Variants in HIRA observed in about 807,000 individuals in gnomAD.
The protein encoded by HIRA is protein HIRA.
In HIRA, 13 loss-of-function variants were observed where a neutral mutation model predicts 126.6. The observed-to-expected ratio is 0.10, with a 90% CI of 0.07 to 0.16. The LOEUF (loss-of-function observed/expected upper bound fraction) is 0.16. HIRA is among the 10% of genes least tolerant of loss of function. The pLI, the probability that HIRA is intolerant of heterozygous loss-of-function variation, is 1.00. For synonymous variants in HIRA, 511 were observed against 520.0 expected (o/e 0.98, Z 0.24); for missense variants, 834 against 1,314.4 (o/e 0.63, Z 5.65).
chr22:19,399,354 T>G (rs1601845185), intron 5 of HIRA, among the ~76,000 whole-genome samples: 1 of 105,832 alleles, frequency 9.4e-6, no homozygotes, highest in South Asian at 3.4e-4. Flanking sequence ...GCTTAACAGG[T>G]TTTTTTTTTT....
intron 5 of HIRA, among the ~76,000 whole-genome samples, chr22:19,400,309 G>C (rs1234473247): frequency 6.6e-6 from 1 of 152,156 alleles, no homozygotes; most frequent in East Asian, 1.9e-4. Flanking sequence ...GGTTTGGTGT[G>C]TGCTGTATTT....
At chr22:19,343,467 G>A (rs2088653185) in intron 24 of HIRA, among the ~76,000 whole-genome samples, 1 of 152,190 alleles carries the variant, frequency 6.6e-6, no homozygotes, top group Non-Finnish European at 1.5e-5. Flanking sequence ...GGAGGCTGAG[G>A]TGGGAGGCCC....
At chr22:19,418,817 T>C (rs961220005) in intron 1 of HIRA, among the ~76,000 whole-genome samples, 9 of 152,110 alleles carry the variant, frequency 5.9e-5, no homozygotes, top group Non-Finnish European at 1.2e-4. Context: ...ATGTCAACTA[T>C]AGTTTTGCAA....
At chr22:19,371,576 G>A (rs990325849) in intron 15 of HIRA, among the ~76,000 whole-genome samples, 2 of 152,048 alleles carry the variant, frequency 1.3e-5, no homozygotes, top group African/African-American at 4.8e-5. Flanking sequence ...TCTAATGCCA[G>A]AACATTTTCA....
At chr22:19,370,847 CTTA>C (rs1296934323) in intron 15 of HIRA, among the ~76,000 whole-genome samples, 1 of 152,152 alleles carries the variant, frequency 6.6e-6, no homozygotes, top group African/African-American at 2.4e-5. Context: ...ATGGTGGCCC[CTTA>C]TTATACAGAT....
At position 19,364,415 on chromosome 22, in the gene HIRA, A is replaced by G. The variant is rs112010368; in HGVS notation, c.1776-2484T>C. ...TTCGCAGAGACTATGTTTTTTTTAC[A>G]AGTTGAAGGTTTGTGGCAACCCTGC... On this transcript the variant is annotated intron_variant, in intron 15 of 24. Coordinates refer to ENST00000263208, the MANE Select transcript of HIRA (RefSeq NM_003325.4). Among the ~76,000 whole-genome samples, 141 of 152,304 alleles carry G rather than the reference A, an allele frequency of 9.3e-4. 1 individual carries two copies. Among genetic ancestry groups the G allele is most frequent in the African/African-American group, 3.2e-3 (132 of 41,568 alleles).
At position 19,351,214 on chromosome 22, in the gene HIRA, CCT is replaced by C. The variant is rs1419696728; in HGVS notation, c.2937+142_2937+143del. On this transcript the variant is annotated intron_variant, in intron 24 of 24. Coordinates refer to ENST00000263208, the MANE Select transcript of HIRA (RefSeq NM_003325.4). This position sits in a 1 kb window ranked among gnomAD's most constrained non-coding sequence, Gnocchi z 4.8. Reference sequence around the variant, plus strand: ...TTGTGGAGGGCCGTCGGCATGTCACCCTCTCACTGATGCTGGGACCTGAGGCT... The same window carrying C: ...TTGTGGAGGGCCGTCGGCATGTCACCCTCACTGATGCTGGGACCTGAGGCT... The C allele has an allele frequency of 1.1e-5, 16 of 1,397,970 alleles. No homozygotes were observed. Among genetic ancestry groups the C allele is most frequent in the African/African-American group, 1.5e-5 (1 of 68,344 alleles). 86.6% of individuals were successfully genotyped at this position (1,397,970 alleles called of 1,614,324 possible).
intron 6 of HIRA, 42 bp downstream of exon 6, chr22:19,397,950 G>T: frequency 6.9e-7 from 1 of 1,458,558 alleles, no homozygotes; most frequent in African/African-American, 1.4e-5. Context: ...AAACTGACAG[G>T]CAGTACTGCT....
In HIRA at chr22:19,332,461, T is replaced by G. The variant is rs1038220833; in HGVS notation, c.2938-905A>C. ...TGCCATAGTCAGAACAGAGATGGTA[T>G]GGATTTGCAAAGGCTGAAATGTTTA... On this transcript the variant is annotated intron_variant, in intron 24 of 24. Coordinates refer to ENST00000263208, the MANE Select transcript of HIRA (RefSeq NM_003325.4). Among the ~76,000 whole-genome samples, 6 of 152,190 alleles carry G rather than the reference T, an allele frequency of 3.9e-5. No homozygotes were observed. The South Asian group carries it at 1.2e-3, about 32-fold the overall frequency.
chr22:19,399,129 C>T, intron 5 of HIRA: 1 of 985,404 alleles, frequency 1.0e-6, no homozygotes, highest in Non-Finnish European at 1.2e-6. Flanking sequence ...CCTTGCCTAT[C>T]CTGCCATCAG....
In HIRA at chr22:19,359,433, C is replaced by T. The variant is rs1274710484; in HGVS notation, c.2137G>A (p.Val713Met). ...YIEVENEVTV[V>M]GGVKLSRLKC... is the part of the protein sequence containing the mutation. ...AGGCGGCTCAGCTTCACGCCCCCCA[C>T]CACTGTCACTTCATTCTCCACCTCA... The change falls in exon 18 of 25, where the codon GTG becomes ATG. Residue 713 changes from valine (V) to methionine (M), a missense_variant. Coordinates refer to ENST00000263208, the MANE Select transcript of HIRA (RefSeq NM_003325.4). 1.9e-6 allele frequency: 3 copies of T among 1,610,010 alleles called. No individual in the cohort carries two copies. Among genetic ancestry groups the T allele is most frequent in the Admixed American group, 1.7e-5 (1 of 59,198 alleles).
intron 14 of HIRA, 22 bp from the exon 15 acceptor site, chr22:19,375,814 G>C: frequency 1.9e-6 from 3 of 1,612,944 alleles, no homozygotes; most frequent in South Asian, 1.1e-5. Context: ...AAGAGGGGAG[G>C]CATGTCAAGC....
chr22:19,389,969 C>T (rs568397756), intron 9 of HIRA, among the ~76,000 whole-genome samples: 1 of 150,464 alleles, frequency 6.6e-6, no homozygotes, highest in Admixed American at 6.7e-5. Context: ...ACTTGCTCTG[C>T]TTATAGGGAC....
At chr22:19,333,121 T>C (rs2146503198) in intron 24 of HIRA, among the ~76,000 whole-genome samples, 2 of 152,304 alleles carry the variant, frequency 1.3e-5, no homozygotes, top group South Asian at 4.1e-4. Context: ...TTGGCCAGGC[T>C]GATCTCAAAC....
At chr22:19,390,384 G>T in intron 9 of HIRA, among the ~76,000 whole-genome samples, 2 of 151,954 alleles carry the variant, frequency 1.3e-5, no homozygotes, top group East Asian at 3.9e-4. Flanking sequence ...CCTGAGGTCA[G>T]GAGTTTGTGA....
At chr22:19,404,195 T>C (rs2089291007) in intron 5 of HIRA, among the ~76,000 whole-genome samples, 1 of 152,204 alleles carries the variant, frequency 6.6e-6, no homozygotes, top group African/African-American at 2.4e-5. Flanking sequence ...TTTCATTGAT[T>C]TTTCTTCTTG....
At chr22:19,392,924 C>T (rs2089194266) in intron 8 of HIRA, among the ~76,000 whole-genome samples, 1 of 152,120 alleles carries the variant, frequency 6.6e-6, no homozygotes, top group African/African-American at 2.4e-5. Context: ...TCTGGGAATC[C>T]CCAACCTAGG....
intron 24 of HIRA, among the ~76,000 whole-genome samples, chr22:19,335,673 A>G (rs1170923160): frequency 6.8e-6 from 1 of 147,806 alleles, no homozygotes; most frequent in East Asian, 2.0e-4. Flanking sequence ...AGTTTCCTAA[A>G]CTCCATTTAT....
intron 24 of HIRA, among the ~76,000 whole-genome samples, chr22:19,347,887 T>C (rs1437362805): frequency 6.6e-6 from 1 of 152,152 alleles, no homozygotes; most frequent in Non-Finnish European, 1.5e-5. Context: ...TACAGTGAGC[T>C]GATATTGTGC....
Sources: allele counts gnomAD v4.1 joint callset (sites outside exome capture counted in the v4.1 genomes callset), GRCh38; gene constraint gnomAD v4.1.1; non-coding constraint Gnocchi (gnomAD v3.1); transcripts MANE v1.5; gene names NCBI Gene and HGNC (gene_info 2026-07-23, HGNC 2026-07-21).